Variants in KLK8 observed in about 807,000 individuals in gnomAD.
KLK8 encodes kallikrein related peptidase 8, also known as kallikrein-8.
Under a neutral mutation model 26.7 loss-of-function variants are expected in KLK8, and 18 were observed. The observed-to-expected ratio is 0.67, with a 90% CI of 0.47 to 1.00. The LOEUF (loss-of-function observed/expected upper bound fraction) is 1.00. Among genes scored for constraint, KLK8 ranks in the 50% least tolerant of loss-of-function variants. KLK8 has a pLI of 0.00. For synonymous variants in KLK8, 137 were observed against 127.1 expected (o/e 1.08, Z -0.52); for missense variants, 301 against 331.7 (o/e 0.91, Z 0.72).
chr19:50,996,137 C>T, exon 7 of KLK8: 1 of 1,614,208 alleles, frequency 6.2e-7, no homozygotes, highest in Non-Finnish European at 8.5e-7. Context: ...GTTTGTCGGA[C>T]CTCCCACAGG....
At chr19:50,997,662 T>TC (rs35747818) in intron 6 of KLK8, 89 bp downstream of exon 5, 640,010 of 1,474,824 alleles carry the variant, frequency 0.43, 144,065 homozygotes, top group African/African-American at 0.63. Flanking sequence ...TTGGGGTCAC[T>TC]CCCTTACCAC....
In KLK8 at chr19:50,997,869, G is replaced by C; in HGVS notation, c.509C>G (p.Thr170Ser). 1 of 1,614,144 alleles carries C rather than the reference G, an allele frequency of 6.2e-7. No homozygotes were observed. The highest frequency in any genetic ancestry group is 1.3e-5 in the African/African-American group (1 of 75,050). Residue 170 changes from threonine (T) to serine (S), a missense_variant, in exon 6 of 7, where the codon ACT (threonine) becomes AGT (serine). Coordinates refer to ENST00000600767, the Ensembl canonical transcript of KLK8. Reference sequence around the variant, plus strand: ...GATTTTTACTTCTGCACAGTTGAGAGTGTCAGGAAAATTCTCTGAGGGGGA... The same window carrying C: ...GATTTTTACTTCTGCACAGTTGAGACTGTCAGGAAAATTCTCTGAGGGGGA...
chr19:50,997,668 A>T, intron 6 of KLK8, 83 bp downstream of exon 5: 26 of 1,496,212 alleles, frequency 1.7e-5, no homozygotes, highest in Non-Finnish European at 2.4e-5. Flanking sequence ...TCACTCCCTT[A>T]CCACCCCCAC....
chr19:50,999,931 T>C (rs1227470827), intron 5 of KLK8, 65 bp downstream of exon 4: 16 of 1,493,268 alleles, frequency 1.1e-5, no homozygotes, highest in Non-Finnish European at 1.4e-5. Context: ...GCTTTGCCAA[T>C]AGCTTGGGTT....
chr19:50,996,899 C>G (rs1166146300), intron 6 of KLK8, among the ~76,000 whole-genome samples: 2 of 108,844 alleles, frequency 1.8e-5, no homozygotes, highest in African/African-American at 1.0e-4. Context: ...TATGGACACA[C>G]ACACACACAC....
At position 50,996,217 on chromosome 19, in the gene KLK8, A is replaced by G; in HGVS notation, c.628-3T>C. On this transcript the variant is annotated splice_polypyrimidine_tract_variant and splice_region_variant and intron_variant, in intron 6 of 6. Coordinates refer to ENST00000600767, the Ensembl canonical transcript of KLK8. ...ACCAGGGGGCCTCCAGAATCGCCCT[A>G]GACAGGGAGAATGAGAACAGCCTTG... is the stretch of plus-strand genomic sequence containing the variant. 6.2e-7 allele frequency: 1 copy of G among 1,613,540 alleles called. No homozygotes were observed. The highest frequency in any genetic ancestry group is 8.5e-7 in the Non-Finnish European group (1 of 1,179,576).
At chr19:50,997,701 G>A (rs374364258) in intron 6 of KLK8, 50 bp downstream of exon 5, 53 of 1,603,380 alleles carry the variant, frequency 3.3e-5, no homozygotes, top group Non-Finnish European at 4.3e-5. Flanking sequence ...CTTGAACCTC[G>A]AGAGGGCAAT....
Position 50,996,294 on chromosome 19 carries a change from G to A in KLK8, c.628-80C>T. ...TTCCTGCTGTCCCAGCGTTTTACCA[G>A]TTCTTTGGCATGATTGGTCCCCTGT... On this transcript the variant is annotated intron_variant, in intron 6 of 6. Coordinates refer to ENST00000600767, the Ensembl canonical transcript of KLK8. 5.3e-6 allele frequency: 8 copies of A among 1,503,456 alleles called. No individual in the cohort carries two copies. The South Asian group carries it at 8.3e-5, about 16-fold the overall frequency. 93.1% of individuals were successfully genotyped at this position (1,503,456 alleles called of 1,614,324 possible).
intron 5 of KLK8, among the ~76,000 whole-genome samples, chr19:50,999,583 C>A (rs1164969150): frequency 3.3e-4 from 10 of 30,296 alleles, no homozygotes; most frequent in Admixed American, 1.7e-3. Context: ...TGTCCCCCTG[C>A]AAAAAAAAAA....
chr19:50,996,078 A>G (rs913894606), exon 7 of KLK8: 2 of 1,614,186 alleles, frequency 1.2e-6, no homozygotes, highest in Non-Finnish European at 8.5e-7. Flanking sequence ...GCTGCCTATG[A>G]TCTTCTTGAT....
At position 50,999,977 on chromosome 19, in the gene KLK8, T is replaced by C. The variant is rs1452447964; in HGVS notation, c.493+19A>G. On this transcript the variant is annotated intron_variant, in intron 5 of 6. Coordinates refer to ENST00000600767, the Ensembl canonical transcript of KLK8. Reference sequence around the variant, plus strand: ...AACCAGCTCCTCCTCTCCCTCCCATTAGTGGACAAGCCCACTACCTCGGGG... The same window carrying C: ...AACCAGCTCCTCCTCTCCCTCCCATCAGTGGACAAGCCCACTACCTCGGGG... 2 of 1,574,110 alleles carry C rather than the reference T, an allele frequency of 1.3e-6. No homozygotes were observed. Among genetic ancestry groups the C allele is most frequent in the Admixed American group, 3.4e-5 (2 of 58,762 alleles).
Position 50,996,147 on chromosome 19 carries a change from G to C in KLK8, c.695C>G (p.Pro232Arg), listed in dbSNP as rs1281848218. ...GCCAGGTTTGTCGGACCTCCCACAG[G>C]GGTCTGAGCCCCAGGATGTGATGCC... Residue 232 changes from proline (P) to arginine (R), a missense_variant, in exon 7 of 7, where the codon CCC (proline) becomes CGC (arginine). Physicochemically the swap from Pro to Arg is moderately radical, Grantham distance 103. Transcript: ENST00000600767. 2 of 1,614,212 alleles carry C rather than the reference G, an allele frequency of 1.2e-6. No individual in the cohort carries two copies. Among genetic ancestry groups the C allele is most frequent in the South Asian group, 1.1e-5 (1 of 91,088 alleles).
At chr19:51,001,230 A>G (rs1238928283) in intron 2 of KLK8, 55 bp from the exon 2 acceptor site, 6 of 1,521,422 alleles carry the variant, frequency 3.9e-6, no homozygotes, top group Non-Finnish European at 5.4e-6. Flanking sequence ...CTGAGCTCCC[A>G]GTTCTGGATT....
chr19:50,998,171 C>A (rs1050073663), intron 5 of KLK8, among the ~76,000 whole-genome samples: 4 of 152,014 alleles, frequency 2.6e-5, no homozygotes, highest in Non-Finnish European at 5.9e-5. Context: ...CTTGGAGGTG[C>A]CCCTTTATGA....
At chr19:50,998,772 A>C (rs934880872) in intron 5 of KLK8, among the ~76,000 whole-genome samples, 1 of 152,226 alleles carries the variant, frequency 6.6e-6, no homozygotes, top group African/African-American at 2.4e-5. Context: ...ACCATGTAGC[A>C]GGCACCATTC....
intron 6 of KLK8, 119 bp from the exon 6 acceptor site, chr19:50,996,333 A>G (rs1230441067): frequency 3.8e-6 from 4 of 1,042,294 alleles, no homozygotes; most frequent in East Asian, 5.0e-5. Flanking sequence ...CAATGGGGGT[A>G]AAAGCATTGT....
chr19:50,997,479 A>C (rs942986425), intron 6 of KLK8, among the ~76,000 whole-genome samples: 6 of 152,154 alleles, frequency 3.9e-5, no homozygotes, highest in Non-Finnish European at 7.4e-5. Flanking sequence ...CCCACCCTCT[A>C]TAGCCCCCAA....
In KLK8 at chr19:50,997,889, G is replaced by C; in HGVS notation, c.494-5C>G. 6.2e-7 allele frequency: 1 copy of C among 1,613,944 alleles called. No individual in the cohort carries two copies. Among genetic ancestry groups the C allele is most frequent in the Non-Finnish European group, 8.5e-7 (1 of 1,180,002 alleles). On this transcript the variant is annotated splice_region_variant and splice_polypyrimidine_tract_variant and intron_variant, in intron 5 of 6. Coordinates refer to ENST00000600767, the Ensembl canonical transcript of KLK8. ...TGAGAGTGTCAGGAAAATTCTCTGA[G>C]GGGGAAGAGGTTGTAAGGTTCCCTG...
chr19:51,000,352 CTTCCTGAGTCGAAACCCCAGCCCCCTCT>C (rs2091210918), intron 4 of KLK8, 44 bp downstream of exon 3: 9 of 1,546,954 alleles, frequency 5.8e-6, no homozygotes, highest in Middle Eastern at 1.8e-4. Flanking sequence ...CAGCTCTCTC[CTTCCTGAGTCGAAACCCCAGCCCCCTCT>C]TTCCTTAAGC....
Sources: allele counts gnomAD v4.1 joint callset (sites outside exome capture counted in the v4.1 genomes callset), GRCh38; gene constraint gnomAD v4.1.1; transcripts MANE v1.5; gene names NCBI Gene and HGNC (gene_info 2026-07-23, HGNC 2026-07-21).